COL19A1: variants seen among roughly 807,000 people sequenced by gnomAD.
COL19A1 encodes collagen type XIX alpha 1 chain.
A neutral mutation model predicts 190.2 loss-of-function variants in COL19A1; 159 were observed. The observed-to-expected ratio is 0.84, with a 90% CI of 0.73 to 0.95. The LOEUF (loss-of-function observed/expected upper bound fraction) is 0.95, where lower values mean the gene tolerates loss of function less well. COL19A1 is among the 40% of genes least tolerant of loss of function. The pLI, the probability that COL19A1 is intolerant of heterozygous loss-of-function variation, is 0.00. For missense variants in COL19A1, 1,418 were observed against 1,431.9 expected (o/e 0.99, Z 0.16); for synonymous variants, 509 against 458.9 (o/e 1.11, Z -1.39).
At chr6:69,888,331 C>A (rs567891627) in intron 2 of COL19A1, among the ~76,000 whole-genome samples, 1 of 152,310 alleles carries the variant, frequency 6.6e-6, no homozygotes, top group Admixed American at 6.5e-5. Context: ...AAAAACTTTA[C>A]TCTTTTGCCA....
intron 4 of COL19A1, among the ~76,000 whole-genome samples, chr6:69,917,136 G>A (rs989106325): frequency 2.8e-4 from 42 of 152,284 alleles, no homozygotes; most frequent in Admixed American, 5.2e-4. Context: ...GTGAAATATT[G>A]GAGCAGCTAT....
At chr6:70,008,425 A>C (rs996315919) in intron 11 of COL19A1, among the ~76,000 whole-genome samples, 1 of 151,974 alleles carries the variant, frequency 6.6e-6, no homozygotes, top group Non-Finnish European at 1.5e-5. Flanking sequence ...TAGGCTAATA[A>C]ATTCTATAAT....
At chr6:70,023,042 C>G (rs1778503887) in intron 11 of COL19A1, among the ~76,000 whole-genome samples, 1 of 151,808 alleles carries the variant, frequency 6.6e-6, no homozygotes, top group Admixed American at 6.6e-5. Flanking sequence ...TATATATTGT[C>G]AATCCAAATC....
intron 25 of COL19A1, 77 bp downstream of exon 25, chr6:70,145,084 A>G: frequency 9.4e-7 from 1 of 1,063,126 alleles, no homozygotes; most frequent in South Asian, 1.4e-5. Flanking sequence ...GTTTCAGATC[A>G]CAAGTATGGG....
intron 18 of COL19A1, chr6:70,131,063 C>G (rs1562203502): frequency 2.2e-6 from 1 of 463,608 alleles, no homozygotes; most frequent in Non-Finnish European, 4.5e-6. Flanking sequence ...GTTTAATTAT[C>G]ATAGCTGTAA....
chr6:69,968,746 C>T (rs1775258640), intron 11 of COL19A1, among the ~76,000 whole-genome samples: 2 of 152,116 alleles, frequency 1.3e-5, no homozygotes, highest in Admixed American at 1.3e-4. Flanking sequence ...GTGGTTGTGA[C>T]TTTGGGCCAC....
intron 9 of COL19A1, among the ~76,000 whole-genome samples, chr6:69,952,187 G>T (rs538718219): frequency 6.6e-6 from 1 of 151,980 alleles, no homozygotes; most frequent in South Asian, 2.1e-4. Context: ...TTCACCAAAT[G>T]AGAGGGTTTT....
chr6:70,133,805 C>CT (rs1755906157), intron 18 of COL19A1, among the ~76,000 whole-genome samples: 1 of 152,124 alleles, frequency 6.6e-6, no homozygotes, highest in Admixed American at 6.5e-5. Flanking sequence ...CCATATGTGT[C>CT]TAAGGTTCAG....
chr6:70,099,217 C>T (rs1336705188), intron 15 of COL19A1, among the ~76,000 whole-genome samples: 1 of 152,004 alleles, frequency 6.6e-6, no homozygotes, highest in African/African-American at 2.4e-5. Context: ...ACTTAAGTCT[C>T]AAGAGTTTTT....
At chr6:69,933,787 T>A (rs926382479) in intron 7 of COL19A1, among the ~76,000 whole-genome samples, 2 of 152,090 alleles carry the variant, frequency 1.3e-5, no homozygotes, top group African/African-American at 2.4e-5. Flanking sequence ...TTTACCTTGA[T>A]AAACTTTTTT....
intron 11 of COL19A1, among the ~76,000 whole-genome samples, chr6:69,980,756 C>T (rs552990687): frequency 1.5e-4 from 23 of 152,150 alleles, no homozygotes; most frequent in Non-Finnish European, 2.9e-4. Context: ...TGCTAGTAAA[C>T]ATGTGTAAGG....
chr6:70,115,350 A>G (rs17712597), intron 16 of COL19A1, among the ~76,000 whole-genome samples: 27,738 of 152,134 alleles, frequency 0.18, 2,727 homozygotes, highest in Non-Finnish European at 0.22. Context: ...ATATAATACT[A>G]CCCACTTCAG....
intron 15 of COL19A1, among the ~76,000 whole-genome samples, chr6:70,100,044 G>A (rs970871616): frequency 2.6e-5 from 4 of 152,224 alleles, no homozygotes; most frequent in African/African-American, 4.8e-5. Flanking sequence ...TTAACTCTGC[G>A]ATAAAAGTTA....
At chr6:70,047,033 C>T (rs898285674) in intron 14 of COL19A1, among the ~76,000 whole-genome samples, 10 of 152,034 alleles carry the variant, frequency 6.6e-5, no homozygotes, top group African/African-American at 2.4e-4. Flanking sequence ...TTGGGTTCTA[C>T]CACATCTGGA....
intron 9 of COL19A1, among the ~76,000 whole-genome samples, chr6:69,959,629 G>T (rs887419799): frequency 6.6e-6 from 1 of 152,222 alleles, no homozygotes; most frequent in Non-Finnish European, 1.5e-5. Flanking sequence ...CCCATAGAAA[G>T]CACGATGTCA....
chr6:69,978,262 G>T (rs550626669), intron 11 of COL19A1, among the ~76,000 whole-genome samples: 1 of 152,122 alleles, frequency 6.6e-6, no homozygotes, highest in Non-Finnish European at 1.5e-5. Context: ...TATAGAGAGA[G>T]AGAAAGAGAG....
rs775261782 is a variant in COL19A1, at chr6:69,978,150, A to G, written c.1026+15280A>G. Among the ~76,000 whole-genome samples the G allele has an allele frequency of 3.9e-5, 6 of 152,276 alleles. No individual in the cohort carries two copies. The East Asian group carries it at 5.8e-4, about 15-fold the overall frequency. On this transcript the variant is annotated intron_variant, in intron 11 of 50. Transcript: ENST00000620364. ...AGAAGAGGAGTAAGAAATTTCAGGTATAATTTGAGCTGGCACCTGAAACTT... is the reference window on the plus strand; with the variant it reads ...AGAAGAGGAGTAAGAAATTTCAGGTGTAATTTGAGCTGGCACCTGAAACTT...
At position 70,109,922 on chromosome 6, in the gene COL19A1, A is replaced by G. The variant is rs180949656; in HGVS notation, c.1278+7700A>G. On this transcript the variant is annotated intron_variant, in intron 16 of 50. Coordinates refer to ENST00000620364, the MANE Select transcript of COL19A1 (RefSeq NM_001858.6). ...TGAACAGTTGGGGCAATGAAAATAC[A>G]TACCCTCAAAACGCCATAGAACTAA... Among the ~76,000 whole-genome samples, 3 of 152,304 alleles carry G rather than the reference A, an allele frequency of 2.0e-5. No individual in the cohort carries two copies. In the East Asian group the frequency reaches 5.8e-4, roughly 29 times the overall value.
intron 12 of COL19A1, among the ~76,000 whole-genome samples, chr6:70,031,768 A>C (rs1291901382): frequency 1.3e-5 from 2 of 152,098 alleles, no homozygotes; most frequent in African/African-American, 4.8e-5. Flanking sequence ...AACAAATGTC[A>C]CCACCACACA....
Sources: allele counts gnomAD v4.1 joint callset (sites outside exome capture counted in the v4.1 genomes callset), GRCh38; gene constraint gnomAD v4.1.1; transcripts MANE v1.5; gene names NCBI Gene and HGNC (gene_info 2026-07-23, HGNC 2026-07-21).